The following BAIAP2 variants were observed in gnomAD, a reference collection of about 807,000 sequenced individuals.
The protein encoded by BAIAP2 is BAR/IMD domain containing adaptor protein 2.
BAIAP2 carries 18 observed loss-of-function variants against 63.0 expected under a neutral mutation model. The observed-to-expected ratio is 0.29, with a 90% CI of 0.20 to 0.42. The LOEUF (loss-of-function observed/expected upper bound fraction) is 0.42. Among genes scored for constraint, BAIAP2 ranks in the 10% least tolerant of loss-of-function variants. The pLI is 1.00. For missense variants in BAIAP2, 610 were observed against 734.3 expected, an observed-to-expected ratio of 0.83 and a Z score of 1.96; for synonymous variants, 386 against 307.6, an observed-to-expected ratio of 1.25 and a Z score of -2.67.
At chr17:81,088,521 C>A (rs1244258016) in intron 6 of BAIAP2, among the ~76,000 whole-genome samples, 1 of 152,262 alleles carries the variant, frequency 6.6e-6, no homozygotes, top group Non-Finnish European at 1.5e-5. Context: ...CTCCTGGGCC[C>A]CTGGCCCCAC....
At chr17:81,094,300 T>A (rs950287059) in intron 6 of BAIAP2, among the ~76,000 whole-genome samples, 1 of 152,198 alleles carries the variant, frequency 6.6e-6, no homozygotes, top group Non-Finnish European at 1.5e-5. Flanking sequence ...CCTGTGCCCG[T>A]GGGCATGTGC....
intron 1 of BAIAP2, chr17:81,053,349 G>C (rs922158624): frequency 3.3e-6 from 1 of 301,788 alleles, no homozygotes; most frequent in South Asian, 4.4e-5. Flanking sequence ...CGGCAGCGGC[G>C]CGTCTGAGCG....
intron 13 of BAIAP2, among the ~76,000 whole-genome samples, chr17:81,115,485 G>A (rs928770432): frequency 2.0e-5 from 3 of 148,688 alleles, no homozygotes; most frequent in Non-Finnish European, 4.4e-5. Context: ...GCCCCACCCC[G>A]CCCTGCCCTG....
intron 6 of BAIAP2, among the ~76,000 whole-genome samples, chr17:81,098,418 A>C (rs892167354): frequency 7.4e-6 from 1 of 134,420 alleles, no homozygotes; most frequent in Admixed American, 7.2e-5. Context: ...ACTTCTTTTA[A>C]AGTTTTTTTT....
At chr17:81,068,591 C>A (rs1027670372) in intron 3 of BAIAP2, among the ~76,000 whole-genome samples, 1 of 152,220 alleles carries the variant, frequency 6.6e-6, no homozygotes, top group African/African-American at 2.4e-5. Flanking sequence ...AGTCAGCAGC[C>A]GCACAGACGG....
At position 81,057,945 on chromosome 17, in the gene BAIAP2, G is replaced by C; in HGVS notation, c.195G>C (p.Glu65Asp). 6.4e-7 allele frequency: 1 copy of C among 1,551,140 alleles called. No homozygotes were observed. Among genetic ancestry groups the C allele is most frequent in the Middle Eastern group, 1.8e-4 (1 of 5,650 alleles). Residue 65 changes from glutamate to aspartate, a missense_variant, in exon 3 of 14, where the codon GAG becomes GAC. Physicochemically the swap from Glu to Asp is conservative, Grantham distance 45. Transcript: ENST00000428708. The part of the protein sequence containing the change: ...ALVKMGELAS[E>D]SQGSKELGDV... ...TGAAGATGGGGGAGCTGGCCAGCGA[G>C]AGCCAGGGCTCCAAAGAACTCGGTG...
Position 81,106,860 on chromosome 17 carries a change from G to A in BAIAP2, c.1453G>A (p.Gly485Ser), listed in dbSNP as rs199655276. The A allele has an allele frequency of 4.9e-5, 78 of 1,606,254 alleles. No homozygotes were observed. The highest frequency in any genetic ancestry group is 3.0e-4 in the South Asian group (27 of 89,936). The change falls in exon 12 of 14, where the codon GGC becomes AGC. Residue 485 changes from glycine to serine, a missense_variant. This residue lies in a region of BAIAP2 where 114 missense variants were observed against 98.2 expected (regional missense o/e 1.16). Transcript: ENST00000428708. ...SRAFPAQTAS[G>S]FKQRPYSVAV... ...GGCCTTCCCCGCCCAGACGGCCAGC[G>A]GCTTCAAGCAGAGGCCCTACAGTGT...
intron 3 of BAIAP2, 25 bp downstream of exon 3, chr17:81,057,992 CTGGTAG>C: frequency 2.1e-6 from 2 of 948,314 alleles, no homozygotes; most frequent in Non-Finnish European, 2.8e-6. Context: ...CCCCCCCCGC[CTGGTAG>C]TCGCCTGATG....
At chr17:81,062,097 C>A (rs1309192305) in intron 3 of BAIAP2, among the ~76,000 whole-genome samples, 2 of 152,118 alleles carry the variant, frequency 1.3e-5, no homozygotes, top group African/African-American at 2.4e-5. Context: ...CACCGGCCAC[C>A]ACACCCGCCT....
At chr17:81,112,112 C>T (rs1347124750) in intron 13 of BAIAP2, among the ~76,000 whole-genome samples, 1 of 152,280 alleles carries the variant, frequency 6.6e-6, no homozygotes, top group Non-Finnish European at 1.5e-5. Flanking sequence ...CCTTCCGCCT[C>T]CATCTTCCTC....
At chr17:81,088,823 C>T (rs1018280243) in intron 6 of BAIAP2, among the ~76,000 whole-genome samples, 1 of 152,260 alleles carries the variant, frequency 6.6e-6, no homozygotes, top group Non-Finnish European at 1.5e-5. Context: ...TGTGGCTGAG[C>T]TCGCTGGGAG....
At chr17:81,110,640 C>T in intron 13 of BAIAP2, 1 of 1,255,446 alleles carries the variant, frequency 8.0e-7, no homozygotes, top group Non-Finnish European at 1.0e-6. Flanking sequence ...TGGGCTTGCA[C>T]ACGGTGCTGG....
chr17:81,054,775 C>A (rs548120125), intron 2 of BAIAP2, among the ~76,000 whole-genome samples: 25 of 152,296 alleles, frequency 1.6e-4, no homozygotes, highest in African/African-American at 5.8e-4. Context: ...ATCGCCCCCA[C>A]CCCACCCAGG....
chr17:81,098,269 G>A (rs957833294), intron 6 of BAIAP2: 50 of 1,167,004 alleles, frequency 4.3e-5, no homozygotes, highest in Non-Finnish European at 4.8e-5. Context: ...AGCACAGTCC[G>A]GGGCCTGGGA....
chr17:81,104,247 T>G, intron 9 of BAIAP2, 139 bp downstream of exon 9: 2 of 978,230 alleles, frequency 2.0e-6, no homozygotes, highest in Non-Finnish European at 3.1e-6. Flanking sequence ...TACATGCATG[T>G]GGTACACACA....
intron 1 of BAIAP2, 46 bp downstream of exon 1, chr17:81,035,354 G>C (rs546703137): frequency 2.5e-6 from 3 of 1,195,246 alleles, no homozygotes; most frequent in East Asian, 9.9e-5. Context: ...GTGTGCGCCT[G>C]GGTCGCGCGC....
intron 1 of BAIAP2, among the ~76,000 whole-genome samples, chr17:81,051,002 C>T (rs2048594968): frequency 6.6e-6 from 1 of 151,932 alleles, no homozygotes; most frequent in Non-Finnish European, 1.5e-5. Flanking sequence ...CTCCTCTCTG[C>T]TGGTAACTCT....
intron 3 of BAIAP2, among the ~76,000 whole-genome samples, chr17:81,070,772 C>T (rs1011320703): frequency 2.2e-4 from 34 of 152,204 alleles, no homozygotes; most frequent in Non-Finnish European, 3.1e-4. Context: ...CCCGGGAGCC[C>T]CCGTCTGCCT....
At chr17:81,043,812 G>A (rs926182907) in intron 1 of BAIAP2, among the ~76,000 whole-genome samples, 1 of 152,248 alleles carries the variant, frequency 6.6e-6, no homozygotes, top group African/African-American at 2.4e-5. Context: ...CAACTCCAGG[G>A]CCCTCTGGCT....
Sources: allele counts gnomAD v4.1 joint callset (sites outside exome capture counted in the v4.1 genomes callset), GRCh38; gene constraint gnomAD v4.1.1; regional missense constraint gnomAD v4.1.1; transcripts MANE v1.5; gene names NCBI Gene and HGNC (gene_info 2026-07-23, HGNC 2026-07-21).